Variants in SEMA6D observed in about 807,000 individuals in gnomAD.
The protein encoded by SEMA6D is semaphorin-6D.
Under a neutral mutation model 106.6 loss-of-function variants are expected in SEMA6D, and 35 were observed. The observed-to-expected ratio is 0.33, with a 90% CI of 0.25 to 0.44. SEMA6D has a LOEUF of 0.44. Ranked by LOEUF, SEMA6D falls within the 20% of genes least tolerant of loss-of-function variation. The pLI, the probability that SEMA6D is intolerant of heterozygous loss-of-function variation, is 1.00. For missense variants in SEMA6D, 1,185 were observed against 1,345.9 expected, an observed-to-expected ratio of 0.88 and a Z score of 1.87; for synonymous variants, 499 against 487.7, an observed-to-expected ratio of 1.02 and a Z score of -0.31.
At chr15:47,512,105 A>G (rs2044252294) in intron 3 of SEMA6D, among the ~76,000 whole-genome samples, 1 of 152,190 alleles carries the variant, frequency 6.6e-6, no homozygotes. Flanking sequence ...TGCTGATACC[A>G]ATACATAAGC....
At chr15:47,354,648 G>A (rs1247533093) in intron 1 of SEMA6D, among the ~76,000 whole-genome samples, 1 of 151,372 alleles carries the variant, frequency 6.6e-6, no homozygotes, top group Non-Finnish European at 1.5e-5. Flanking sequence ...TTTTCCAAAA[G>A]TATCTCCCTT....
intron 1 of SEMA6D, 121 bp from the exon 2 acceptor site, chr15:47,759,624 C>T: frequency 1.7e-6 from 1 of 605,610 alleles, no homozygotes; most frequent in Non-Finnish European, 2.9e-6. Flanking sequence ...CTACCACTGC[C>T]AGCATTCCTG....
chr15:47,399,101 T>C (rs1595904523), intron 1 of SEMA6D, among the ~76,000 whole-genome samples: 1 of 152,232 alleles, frequency 6.6e-6, no homozygotes, highest in African/African-American at 2.4e-5. Flanking sequence ...TCTAAAAATA[T>C]AAACTTCTAT....
intron 1 of SEMA6D, among the ~76,000 whole-genome samples, chr15:47,257,091 T>C (rs1228358012): frequency 6.8e-6 from 1 of 148,026 alleles, no homozygotes; most frequent in Non-Finnish European, 1.5e-5. Flanking sequence ...AGAGTCTCGC[T>C]CTGTTGCCCA....
intron 3 of SEMA6D, among the ~76,000 whole-genome samples, chr15:47,552,854 A>ATTTT (rs2045774341): frequency 4.3e-5 from 3 of 69,328 alleles, no homozygotes; most frequent in South Asian, 3.3e-4. Context: ...ATATATATAA[A>ATTTT]TATATATATA....
chr15:47,463,806 C>T (rs1337979402), intron 2 of SEMA6D, among the ~76,000 whole-genome samples: 1 of 152,172 alleles, frequency 6.6e-6, no homozygotes, highest in Non-Finnish European at 1.5e-5. Context: ...CAGAGCTGCA[C>T]TCCTTCTAAA....
intron 3 of SEMA6D, among the ~76,000 whole-genome samples, chr15:47,473,687 C>A (rs543049564): frequency 6.6e-6 from 1 of 152,040 alleles, no homozygotes; most frequent in Non-Finnish European, 1.5e-5. Flanking sequence ...TGGCTCTGAA[C>A]GGATTTCAGA....
rs1596057594 is a variant in SEMA6D, at chr15:47,461,877, G to A, written c.-158-8597G>A. On this transcript the variant is annotated intron_variant, in intron 2 of 19. Transcript: ENST00000558014. ...TGCTTGTATATTCATATTTATACTG[G>A]GATGAAAGAACAATGTTACCTCCCA... 2.0e-5 allele frequency among the ~76,000 whole-genome samples: 3 copies of A among 152,006 alleles called. No individual in the cohort carries two copies. The South Asian group carries it at 6.2e-4, about 32-fold the overall frequency.
At chr15:47,526,838 G>A (rs1201923380) in intron 3 of SEMA6D, among the ~76,000 whole-genome samples, 1 of 152,120 alleles carries the variant, frequency 6.6e-6, no homozygotes, top group Non-Finnish European at 1.5e-5. Flanking sequence ...CCGGGTTCAA[G>A]CGATTCTCCT....
intron 3 of SEMA6D, among the ~76,000 whole-genome samples, chr15:47,505,634 T>C (rs1399195066): frequency 6.6e-6 from 1 of 152,172 alleles, no homozygotes; most frequent in East Asian, 1.9e-4. Context: ...AGAGTCAGAA[T>C]ATCTAATTGA....
At chr15:47,221,990 C>G (rs1313035187) in intron 1 of SEMA6D, among the ~76,000 whole-genome samples, 1 of 152,044 alleles carries the variant, frequency 6.6e-6, no homozygotes, top group Non-Finnish European at 1.5e-5. Flanking sequence ...ATCACTGATG[C>G]ACAAGCAAGC....
chr15:47,302,623 C>G (rs139779556), intron 1 of SEMA6D, among the ~76,000 whole-genome samples: 4 of 152,212 alleles, frequency 2.6e-5, no homozygotes, highest in African/African-American at 9.6e-5. Context: ...GGAAGAGAGT[C>G]ACCAGTGAGA....
chr15:47,645,050 G>A (rs1250328107), intron 4 of SEMA6D, among the ~76,000 whole-genome samples: 1 of 152,168 alleles, frequency 6.6e-6, no homozygotes, highest in Admixed American at 6.5e-5. Flanking sequence ...ATCCACTCTG[G>A]TGAAGATATT....
intron 1 of SEMA6D, among the ~76,000 whole-genome samples, chr15:47,349,539 T>C (rs1018424018): frequency 6.6e-6 from 1 of 152,114 alleles, no homozygotes; most frequent in African/African-American, 2.4e-5. Flanking sequence ...GAAGGGCCTT[T>C]GTCTGATTGT....
intron 1 of SEMA6D, among the ~76,000 whole-genome samples, chr15:47,249,912 G>C (rs2033414672): frequency 1.3e-5 from 2 of 152,016 alleles, no homozygotes; most frequent in Admixed American, 1.3e-4. Context: ...AACAATTCTG[G>C]GTCAGTGACA....
intron 4 of SEMA6D, among the ~76,000 whole-genome samples, chr15:47,609,061 A>G (rs982786660): frequency 2.6e-5 from 4 of 152,308 alleles, no homozygotes; most frequent in African/African-American, 7.2e-5. Flanking sequence ...TAAACACTCA[A>G]TACAATAGCT....
At chr15:47,760,537 A>C in intron 3 of SEMA6D, 122 bp downstream of exon 3, 1 of 711,404 alleles carries the variant, frequency 1.4e-6, no homozygotes, top group South Asian at 1.9e-5. Context: ...AGTAGCCAGA[A>C]ATATTCACTG....
chr15:47,665,086 C>T (rs2077999205), intron 4 of SEMA6D, among the ~76,000 whole-genome samples: 1 of 151,962 alleles, frequency 6.6e-6, no homozygotes, highest in Non-Finnish European at 1.5e-5. Flanking sequence ...TTAATGTCTT[C>T]CTCTGTCAAA....
At chr15:47,318,228 T>TC (rs2036768284) in intron 1 of SEMA6D, among the ~76,000 whole-genome samples, 1 of 151,784 alleles carries the variant, frequency 6.6e-6, no homozygotes, top group African/African-American at 2.4e-5. Flanking sequence ...GAATATTTTT[T>TC]CCCACTTTAA....
Sources: allele counts gnomAD v4.1 joint callset (sites outside exome capture counted in the v4.1 genomes callset), GRCh38; gene constraint gnomAD v4.1.1; transcripts MANE v1.5; gene names NCBI Gene and HGNC (gene_info 2026-07-23, HGNC 2026-07-21).